The following ACBD3 variants were observed in gnomAD, a reference collection of about 807,000 sequenced individuals.
ACBD3 encodes the protein acyl-CoA binding domain containing 3.
ACBD3 carries 30 observed loss-of-function variants against 66.9 expected under a neutral mutation model. The observed-to-expected ratio is 0.45, with a 90% confidence interval of 0.34 to 0.61. The LOEUF (loss-of-function observed/expected upper bound fraction) is 0.61, where lower values mean the gene tolerates loss of function less well. Ranked by LOEUF, ACBD3 falls within the 20% of genes least tolerant of loss-of-function variation. ACBD3 has a pLI of 0.02. For missense variants in ACBD3, 544 were observed against 664.5 expected (o/e 0.82, Z 1.99); for synonymous variants, 278 against 259.8 (o/e 1.07, Z -0.68).
intron 1 of ACBD3, among the ~76,000 whole-genome samples, chr1:226,179,306 G>A (rs963623160): frequency 1.3e-5 from 2 of 152,116 alleles, no homozygotes; most frequent in Admixed American, 1.3e-4. Context: ...ATTCCCACTA[G>A]GTACAAGTTG....
chr1:226,184,954 CA>C (rs56165469), intron 1 of ACBD3, among the ~76,000 whole-genome samples: 27,022 of 90,858 alleles, frequency 0.3, 2,456 homozygotes, highest in South Asian at 0.43. Context: ...GACTCCAGCT[CA>C]AAAAAAAAAA....
At chr1:226,178,393 A>AC (rs1656095921) in intron 1 of ACBD3, among the ~76,000 whole-genome samples, 2 of 150,218 alleles carry the variant, frequency 1.3e-5, no homozygotes, top group South Asian at 4.2e-4. Context: ...ACATGGTAAA[A>AC]CCCCGTCTCT....
At chr1:226,164,969 T>C (rs1659844604) in intron 2 of ACBD3, 40 bp from the exon 3 acceptor site, 1 of 1,500,468 alleles carries the variant, frequency 6.7e-7, no homozygotes, top group South Asian at 1.4e-5. Context: ...CCCTTCTTAG[T>C]AGAATGAGAA....
At chr1:226,173,757 CTTTTTTTTTTTTTT>C (rs145462202) in intron 1 of ACBD3, among the ~76,000 whole-genome samples, 5 of 88,324 alleles carry the variant, frequency 5.7e-5, no homozygotes, top group African/African-American at 1.8e-4. Context: ...TTTTTCTTTT[CTTTTTTTTTTTTTT>C]TTTTTTTGAG....
Position 226,161,463 on chromosome 1 carries a change from AT to A in ACBD3, c.728+67del. The A allele has an allele frequency of 1.9e-6, 3 of 1,599,068 alleles. No individual in the cohort carries two copies. The South Asian group carries it at 3.4e-5, about 18-fold the overall frequency. On this transcript the variant is annotated intron_variant, in intron 4 of 7. Coordinates refer to ENST00000366812, the MANE Select transcript of ACBD3 (RefSeq NM_022735.4). ...GTGAACCACCACACCTGGCCCGCTC[AT>A]TTCTTATTTTTATTCTATTTTTTTT...
Position 226,159,293 on chromosome 1 carries a change from T to C in ACBD3, c.794A>G (p.Gln265Arg). 1 of 1,614,226 alleles carries C rather than the reference T, an allele frequency of 6.2e-7. No homozygotes were observed. Among genetic ancestry groups the C allele is most frequent in the Non-Finnish European group, 8.5e-7 (1 of 1,180,024 alleles). ...AVQFQQYAAQQYPGNYEQQQI... is the reference protein window; with the variant it reads ...AVQFQQYAAQRYPGNYEQQQI... ...CTGCTGTTCGTAGTTCCCTGGATAC[T>C]GTTGGGCTGCATACTGCTGGAACTG... The change falls in exon 5 of 8, where the codon CAG becomes CGG. Residue 265 changes from glutamine (Q) to arginine (R), a missense_variant. Around this residue, in one of 3 missense-constraint regions of ACBD3, gnomAD observed 383 missense variants for 462.4 expected, o/e 0.83. Coordinates refer to ENST00000366812, the MANE Select transcript of ACBD3 (RefSeq NM_022735.4).
chr1:226,178,923 T>G (rs1302937404), intron 1 of ACBD3, among the ~76,000 whole-genome samples: 1 of 152,218 alleles, frequency 6.6e-6, no homozygotes, highest in Non-Finnish European at 1.5e-5. Context: ...TGAGGTGGTA[T>G]CTCTCAACTC....
intron 1 of ACBD3, among the ~76,000 whole-genome samples, chr1:226,167,092 G>A (rs1659891383): frequency 6.6e-6 from 1 of 152,154 alleles, no homozygotes; most frequent in African/African-American, 2.4e-5. Flanking sequence ...ACCATGCCCA[G>A]CCCAACAATC....
rs186444053 is a variant in ACBD3 at position 226,154,761 on chromosome 1, T to G, written c.976A>C (p.Thr326Pro). ...ACTGACATCATATTACTTGGTACAG[T>G]TGCATTCACTTTTGATGATGTAGGC... ...SLPTSSKVNA[T>P]VPSNMMSVNG... The change falls in exon 6 of 8, where the codon ACT (threonine) becomes CCT (proline). Residue 326 changes from threonine to proline, a missense_variant. This residue lies in a region of ACBD3 where 383 missense variants were observed against 462.4 expected (regional missense o/e 0.83). Transcript: ENST00000366812. The G allele has an allele frequency of 8.1e-6, 13 of 1,613,748 alleles. No individual in the cohort carries two copies. In the Admixed American group the frequency reaches 1.3e-4, roughly 17 times the overall value.
intron 3 of ACBD3, among the ~76,000 whole-genome samples, chr1:226,164,116 TAAAAAAAAAAAAA>T (rs1165905762): frequency 5.8e-5 from 3 of 51,556 alleles, no homozygotes; most frequent in Admixed American, 2.9e-4. Context: ...GACTCCATCT[TAAAAAAAAAAAAA>T]AAAAAAAAAA....
Position 226,186,419 on chromosome 1 carries a change from A to G in ACBD3, c.257T>C (p.Leu86Ser). The G allele has an allele frequency of 6.6e-7, 1 of 1,524,578 alleles. No individual in the cohort carries two copies. The highest frequency in any genetic ancestry group is 8.8e-7 in the Non-Finnish European group (1 of 1,137,228). 94.4% of individuals were successfully genotyped at this position (1,524,578 alleles called of 1,614,324 possible). A position where few individuals can be genotyped will look rare whatever the true frequency, so the allele number is the denominator to read the frequency against. Residue 86 changes from leucine to serine, a missense_variant, in exon 1 of 8, where the codon TTG becomes TCG. By Grantham distance (145) the Leu-to-Ser change is moderately radical. Coordinates refer to ENST00000366812, the MANE Select transcript of ACBD3 (RefSeq NM_022735.4). ...GAAGAAGCGCAGTGCCAGGCCGTAC[A>G]ACTCCTCCAGGCCGAAACCCCAGCG... Reference protein sequence around the residue: ...EQRWGFGLEELYGLALRFFKE... With the variant: ...EQRWGFGLEESYGLALRFFKE...
At position 226,152,576 on chromosome 1, in the gene ACBD3, A is replaced by C. The variant is rs745619630; in HGVS notation, c.1134T>G (p.Pro378=). 1.9e-6 allele frequency: 3 copies of C among 1,614,182 alleles called. No individual in the cohort carries two copies. The highest frequency in any genetic ancestry group is 2.5e-6 in the Non-Finnish European group (3 of 1,180,042). ...VIAAPSMWTR[P]QIKDFKEKIQ... is the part of the protein sequence containing the mutation. The stretch of plus-strand genomic sequence containing the variant: ...TCTTCTCTTTGAAGTCTTTGATCTG[A>C]GGTCGTGTCCACATGGATGGAGCTG... The change falls in exon 7 of 8, where the codon CCT becomes CCG. Residue 378 remains proline, a synonymous_variant. Transcript: ENST00000366812.
chr1:226,166,162 T>A (rs1027605594), intron 1 of ACBD3, among the ~76,000 whole-genome samples, 162 bp from the exon 2 acceptor site: 4 of 152,180 alleles, frequency 2.6e-5, no homozygotes, highest in African/African-American at 4.8e-5. Context: ...TTTTAAAAAA[T>A]TTTTTTATTT....
Position 226,161,571 on chromosome 1 carries a change from TCCTTTCCTCTTCCTCCCGTCGAAG to T in ACBD3, c.664_687del (p.Leu222_Arg229del), listed in dbSNP as rs767031016. ...CGAAGCCTTTCTTCTTCTATCCGTC[TCCTTTCCTCTTCCTCCCGTCGAAG>T]CCTTTCCTCTTCTTCTCTCCTACGT... is the stretch of plus-strand genomic sequence containing the variant. On this transcript the variant is annotated inframe_deletion, in exon 4 of 8. Coordinates refer to ENST00000366812, the MANE Select transcript of ACBD3 (RefSeq NM_022735.4). The T allele has an allele frequency of 6.2e-7, 1 of 1,614,108 alleles. No individual in the cohort carries two copies. The highest frequency in any genetic ancestry group is 8.5e-7 in the Non-Finnish European group (1 of 1,180,018).
chr1:226,186,449 TC>T lies in ACBD3; in HGVS notation c.226del (p.Glu76SerfsTer35). The T allele has an allele frequency of 6.6e-7, 1 of 1,509,144 alleles. No homozygotes were observed. The highest frequency in any genetic ancestry group is 8.8e-7 in the Non-Finnish European group (1 of 1,131,648). The allele number at this position is 1,509,144 out of a possible 1,614,324, so 93.5% of individuals were successfully genotyped here. ...CTCCAGGCCGAAACCCCAGCGCTGC[TC>T]CAGCCGCCGCGCCTCCTCCGCCGCG... ...GGAAEEARRL[E>X]QRWGFGLEEL... On this transcript the variant is annotated frameshift_variant, in exon 1 of 8. Coordinates refer to ENST00000366812, the MANE Select transcript of ACBD3 (RefSeq NM_022735.4). LOFTEE classifies it high-confidence loss of function.
intron 5 of ACBD3, among the ~76,000 whole-genome samples, chr1:226,158,472 G>C (rs1269571175): frequency 6.6e-6 from 1 of 152,220 alleles, no homozygotes; most frequent in Non-Finnish European, 1.5e-5. Flanking sequence ...TGATAGTCCT[G>C]TGAGGTTAAC....
At chr1:226,177,162 CTGTTT>C (rs1656056324) in intron 1 of ACBD3, among the ~76,000 whole-genome samples, 1 of 124,076 alleles carries the variant, frequency 8.1e-6, no homozygotes, top group Admixed American at 9.7e-5. Flanking sequence ...TCCCATGTAG[CTGTTT>C]TTTTTTTTTT....
intron 2 of ACBD3, among the ~76,000 whole-genome samples, chr1:226,165,177 CTTTTTTT>C (rs201749556): frequency 2.1e-5 from 3 of 146,298 alleles, no homozygotes; most frequent in Admixed American, 6.8e-5. Flanking sequence ...TTTCTTTTTT[CTTTTTTT>C]TTTTGAGATA....
chr1:226,169,716 C>A (rs76997559), intron 1 of ACBD3, among the ~76,000 whole-genome samples: 5 of 141,814 alleles, frequency 3.5e-5, no homozygotes, highest in Non-Finnish European at 4.6e-5. Context: ...TTTTTTAAAA[C>A]AAAAAAAAAA....
Sources: allele counts gnomAD v4.1 joint callset (sites outside exome capture counted in the v4.1 genomes callset), GRCh38; gene constraint gnomAD v4.1.1; regional missense constraint gnomAD v4.1.1; transcripts MANE v1.5; gene names NCBI Gene and HGNC (gene_info 2026-07-23, HGNC 2026-07-21).